LAMA2: variants seen among roughly 807,000 people sequenced by gnomAD.
The protein encoded by LAMA2 is laminin subunit alpha-2.
In LAMA2, 269 loss-of-function variants were observed where a neutral mutation model predicts 364.8. That is an observed-to-expected ratio of 0.74 (90% CI 0.67 to 0.82). The LOEUF is 0.82. Among genes scored for constraint, LAMA2 ranks in the 40% least tolerant of loss-of-function variants. The pLI, the probability that LAMA2 is intolerant of heterozygous loss-of-function variation, is 0.00. For synonymous variants in LAMA2, 1,379 were observed against 1,370.6 expected (o/e 1.01, Z -0.14); for missense variants, 3,807 against 3,873.2 (o/e 0.98, Z 0.45).
At chr6:129,007,706 G>T (rs1470354959) in intron 1 of LAMA2, among the ~76,000 whole-genome samples, 1 of 152,134 alleles carries the variant, frequency 6.6e-6, no homozygotes, top group Non-Finnish European at 1.5e-5. Flanking sequence ...TCTGATGAAG[G>T]AATAGTCAGA....
intron 55 of LAMA2, among the ~76,000 whole-genome samples, chr6:129,483,098 G>T (rs1359612563): frequency 6.9e-6 from 1 of 144,352 alleles, no homozygotes; most frequent in Non-Finnish European, 1.5e-5. Context: ...AGAAAAAAAA[G>T]AAAATCTAAA....
intron 1 of LAMA2, among the ~76,000 whole-genome samples, chr6:128,983,449 C>T (rs540026500): frequency 1.3e-5 from 2 of 152,184 alleles, no homozygotes; most frequent in African/African-American, 4.8e-5. Flanking sequence ...TCCCATTGAC[C>T]ATTCACATGT....
At chr6:129,309,923 G>A (rs1026482869) in intron 22 of LAMA2, among the ~76,000 whole-genome samples, 1 of 105,146 alleles carries the variant, frequency 9.5e-6, no homozygotes, top group Non-Finnish European at 1.8e-5. Flanking sequence ...TTTTTGAGAC[G>A]GAGTCTCGCT....
At chr6:129,211,127 A>G (rs1323629964) in intron 12 of LAMA2, among the ~76,000 whole-genome samples, 2 of 152,214 alleles carry the variant, frequency 1.3e-5, no homozygotes, top group African/African-American at 4.8e-5. Flanking sequence ...ATAATCTTAC[A>G]CTCAGTTGAC....
intron 28 of LAMA2, among the ~76,000 whole-genome samples, chr6:129,327,448 T>C (rs1232911828): frequency 6.6e-6 from 1 of 152,184 alleles, no homozygotes; most frequent in East Asian, 1.9e-4. Flanking sequence ...AATAGTCCCC[T>C]TGTAATTCTC....
chr6:129,339,541 A>G (rs1776140508), intron 29 of LAMA2, among the ~76,000 whole-genome samples: 1 of 152,238 alleles, frequency 6.6e-6, no homozygotes, highest in African/African-American at 2.4e-5. Context: ...AACTGAAGTC[A>G]TAGTAATGGA....
rs5879937 is a variant in LAMA2 at position 129,275,724 on chromosome 6, T to TAA, written c.2451-4323_2451-4322dup. ...ATATCTTATTTTGTTTAAAAATTTG[T>TAA]AAAAAAAAAAAAAAAGGCAAAGTTT... On this transcript the variant is annotated intron_variant, in intron 17 of 64. Transcript: ENST00000421865. Among the ~76,000 whole-genome samples the TAA allele has an allele frequency of 3.0e-3, 435 of 144,552 alleles. 1 individual carries two copies. The highest frequency in any genetic ancestry group is 8.4e-3 in the African/African-American group (333 of 39,784). The allele number at this position is 144,552 out of a possible 152,430, so 94.8% of individuals were successfully genotyped here. A position where few individuals can be genotyped will look rare whatever the true frequency, so the allele number is the denominator to read the frequency against.
chr6:129,331,977 T>C (rs1411816906), intron 29 of LAMA2, among the ~76,000 whole-genome samples: 1 of 152,180 alleles, frequency 6.6e-6, no homozygotes, highest in South Asian at 2.1e-4. Context: ...TCAAATTCCA[T>C]AGTGGCTCCT....
chr6:129,454,541 G>A lies in LAMA2; in HGVS notation c.6707+253G>A, dbSNP rs985376193. 2.0e-5 allele frequency among the ~76,000 whole-genome samples: 3 copies of A among 152,208 alleles called. No homozygotes were observed. In the East Asian group the frequency reaches 5.8e-4, roughly 29 times the overall value. ...TTCATCTTGTGTCTGGTAGGAATTT[G>A]GGGGTGTCGCTGTTTCAGGCTTCCT... On this transcript the variant is annotated intron_variant, in intron 47 of 64. Transcript: ENST00000421865.
intron 1 of LAMA2, among the ~76,000 whole-genome samples, chr6:128,966,668 T>A (rs1468233033): frequency 6.6e-6 from 1 of 152,126 alleles, no homozygotes; most frequent in Non-Finnish European, 1.5e-5. Flanking sequence ...GTTGTCTCAA[T>A]GCTAAATATT....
At chr6:129,393,440 G>T (rs913629673) in intron 37 of LAMA2, among the ~76,000 whole-genome samples, 185 bp downstream of exon 37, 1 of 152,032 alleles carries the variant, frequency 6.6e-6, no homozygotes, top group Non-Finnish European at 1.5e-5. Context: ...TGTTTTTAAT[G>T]ACCAGTTACC....
At chr6:128,964,028 A>G (rs1781695950) in intron 1 of LAMA2, among the ~76,000 whole-genome samples, 1 of 152,102 alleles carries the variant, frequency 6.6e-6, no homozygotes, top group South Asian at 2.1e-4. Flanking sequence ...CCTTTCATGA[A>G]CAGTGGCATT....
At chr6:129,353,382 G>C (rs1383593415) in intron 32 of LAMA2, 25 bp downstream of exon 32, 1 of 1,584,074 alleles carries the variant, frequency 6.3e-7, no homozygotes, top group South Asian at 1.1e-5. Context: ...TTTGCTGTTA[G>C]TTTTGGAGGC....
At chr6:129,050,126 G>A in intron 2 of LAMA2, 38 bp downstream of exon 2, 1 of 1,607,596 alleles carries the variant, frequency 6.2e-7, no homozygotes, top group Non-Finnish European at 8.5e-7. Flanking sequence ...GCGCTGGGTA[G>A]GATCTATAAT....
At chr6:129,442,680 G>A (rs1782178039) in intron 43 of LAMA2, 1 of 288,650 alleles carries the variant, frequency 3.5e-6, no homozygotes, top group Non-Finnish European at 6.6e-6. Flanking sequence ...CCCTCCTCCT[G>A]CTCTCCACCC....
intron 1 of LAMA2, among the ~76,000 whole-genome samples, chr6:128,945,967 A>G (rs1780459978): frequency 6.6e-6 from 1 of 152,226 alleles, no homozygotes; most frequent in African/African-American, 2.4e-5. Context: ...AAGAGTGTCT[A>G]GTTCTCAGAG....
intron 30 of LAMA2, among the ~76,000 whole-genome samples, chr6:129,345,364 A>G (rs1180921856): frequency 2.6e-5 from 4 of 152,172 alleles, no homozygotes; most frequent in South Asian, 2.1e-4. Context: ...CTGTAGTTAC[A>G]CTCTCAGAGT....
chr6:129,409,740 T>C (rs1195728087), intron 40 of LAMA2, among the ~76,000 whole-genome samples: 2 of 152,182 alleles, frequency 1.3e-5, no homozygotes, highest in African/African-American at 2.4e-5. Context: ...CTGTCTGCCA[T>C]TGACACCTCA....
intron 16 of LAMA2, among the ~76,000 whole-genome samples, chr6:129,268,197 A>G (rs1787645698): frequency 6.6e-6 from 1 of 152,022 alleles, no homozygotes; most frequent in Non-Finnish European, 1.5e-5. Context: ...TTTTCTCTAT[A>G]TAAGATTTTG....
Sources: gnomAD v4.1 joint callset for allele counts (sites outside exome capture counted in the v4.1 genomes callset) on GRCh38, gnomAD v4.1.1 for gene constraint, MANE v1.5 for transcripts, NCBI Gene and HGNC (gene_info 2026-07-23, HGNC 2026-07-21) for gene names.